Variants in SEC14L1 observed in about 807,000 individuals in gnomAD.
SEC14L1 encodes the protein SEC14 like lipid binding 1, also known as SEC14-like protein 1.
In SEC14L1, 48 loss-of-function variants were observed where a neutral mutation model predicts 85.3. The ratio of observed to expected loss-of-function variants is 0.56; its 90% CI spans 0.45 to 0.72. SEC14L1 has a LOEUF of 0.72. SEC14L1 is among the 30% of genes least tolerant of loss of function. The probability of loss-of-function intolerance (pLI) is 0.00; values close to 1 mark genes in which losing one functional copy is unlikely to be tolerated. For missense variants in SEC14L1, 682 were observed against 921.4 expected (o/e 0.74, Z 3.36); for synonymous variants, 391 against 355.5 (o/e 1.10, Z -1.12).
At chr17:77,200,366 A>G (rs2143106596) in intron 8 of SEC14L1, 118 bp from the exon 9 acceptor site, 8 of 712,056 alleles carry the variant, frequency 1.1e-5, no homozygotes, top group Non-Finnish European at 1.4e-5. Flanking sequence ...ATGGCATTTC[A>G]CCATATTGGC....
chr17:77,162,818 G>A (rs1193218184), intron 3 of SEC14L1, among the ~76,000 whole-genome samples: 1 of 115,304 alleles, frequency 8.7e-6, no homozygotes, highest in Non-Finnish European at 1.8e-5. Context: ...CAACAAGAGC[G>A]AAACTCTGTC....
intron 3 of SEC14L1, among the ~76,000 whole-genome samples, chr17:77,162,163 G>A (rs1430660111): frequency 2.6e-5 from 4 of 151,814 alleles, no homozygotes; most frequent in African/African-American, 7.3e-5. Context: ...GGCGCTCGGC[G>A]GGGGAGGGAC....
intron 3 of SEC14L1, among the ~76,000 whole-genome samples, chr17:77,118,794 A>T (rs150972106): frequency 3.3e-5 from 5 of 152,302 alleles, no homozygotes; most frequent in African/African-American, 1.2e-4. Flanking sequence ...TCTTTACAGC[A>T]TTCCTCTCTG....
In SEC14L1 at chr17:77,154,395, C is replaced by G. The variant is rs900099217; in HGVS notation, c.63+10736C>G. On this transcript the variant is annotated intron_variant, in intron 3 of 16. Transcript: ENST00000436233. ...AGACTTGAGACAGGATTGTTTGAGC[C>G]TAGGAGTTTGAGGCTGCAGTGCCAC... Among the ~76,000 whole-genome samples, 7 of 152,270 alleles carry G rather than the reference C, an allele frequency of 4.6e-5. No individual in the cohort carries two copies. The East Asian group carries it at 1.3e-3, about 29-fold the overall frequency.
Position 77,214,922 on chromosome 17 carries a change from A to G in SEC14L1, c.*899A>G. On this transcript the variant is annotated 3_prime_UTR_variant, in exon 17 of 17. Coordinates refer to ENST00000436233, the MANE Select transcript of SEC14L1 (RefSeq NM_001143998.2). Reference sequence around the variant, plus strand: ...TCCAGCCACTAGGAGGCCGTCTTGGAACCAGCAAGTCGCATTTGCCACTTG... The same window carrying G: ...TCCAGCCACTAGGAGGCCGTCTTGGGACCAGCAAGTCGCATTTGCCACTTG... 1.0e-6 allele frequency: 1 copy of G among 985,390 alleles called. No individual in the cohort carries two copies. The highest frequency in any genetic ancestry group is 1.2e-6 in the Non-Finnish European group (1 of 829,964). The allele number at this position is 985,390 out of a possible 1,614,324, so 61.0% of individuals were successfully genotyped here. A position where few individuals can be genotyped will look rare whatever the true frequency, so the allele number is the denominator to read the frequency against.
At chr17:77,108,172 C>T (rs1971961240) in intron 3 of SEC14L1, among the ~76,000 whole-genome samples, 1 of 152,128 alleles carries the variant, frequency 6.6e-6, no homozygotes, top group African/African-American at 2.4e-5. Context: ...GGCGAGTGTG[C>T]AGTGCTGCCA....
intron 3 of SEC14L1, among the ~76,000 whole-genome samples, chr17:77,181,454 G>A (rs1390799488): frequency 6.6e-6 from 1 of 152,096 alleles, no homozygotes; most frequent in East Asian, 1.9e-4. Flanking sequence ...CTCTTGTTGT[G>A]CAGGCTGGAG....
chr17:77,211,888 G>A (rs374801584), intron 14 of SEC14L1, 62 bp from the exon 15 acceptor site: 35 of 1,589,386 alleles, frequency 2.2e-5, no homozygotes, highest in South Asian at 3.4e-5. Context: ...AGCACGATGC[G>A]CTCGCAGCAT....
intron 7 of SEC14L1, 52 bp from the exon 8 acceptor site, chr17:77,196,150 A>G (rs1029347983): frequency 7.8e-6 from 11 of 1,409,488 alleles, no homozygotes; most frequent in Non-Finnish European, 1.1e-5. Context: ...AGACTTTGGG[A>G]GCCTAAAGCT....
Position 77,214,635 on chromosome 17 carries a change from G to A in SEC14L1, c.*612G>A, listed in dbSNP as rs1015272549. 2.0e-6 allele frequency: 2 copies of A among 985,822 alleles called. No individual in the cohort carries two copies. The highest frequency in any genetic ancestry group is 9.4e-5 in the South Asian group (2 of 21,310). The allele number at this position is 985,822 out of a possible 1,614,324, so 61.1% of individuals were successfully genotyped here. A position where few individuals can be genotyped will look rare whatever the true frequency, so the allele number is the denominator to read the frequency against. ...CCACCCACTGTCCTGCAGTGGGGCC[G>A]GGGGCTCAGGAGGGGCTCTCAGGGA... On this transcript the variant is annotated 3_prime_UTR_variant, in exon 17 of 17. Coordinates refer to ENST00000436233, the MANE Select transcript of SEC14L1 (RefSeq NM_001143998.2).
intron 3 of SEC14L1, among the ~76,000 whole-genome samples, chr17:77,165,554 G>T (rs899830664): frequency 1.3e-5 from 2 of 152,132 alleles, no homozygotes; most frequent in African/African-American, 4.8e-5. Context: ...TTGCCTCCCA[G>T]TTTGACTTTT....
At chr17:77,107,950 C>T (rs1001985922) in intron 3 of SEC14L1, among the ~76,000 whole-genome samples, 2 of 152,060 alleles carry the variant, frequency 1.3e-5, no homozygotes, top group Non-Finnish European at 2.9e-5. Flanking sequence ...CACTATGTTG[C>T]CCAGGCTGGT....
rs1304396683 is a variant in SEC14L1, at chr17:77,215,680, A to G, written c.*1657A>G. The G allele has an allele frequency of 1.9e-5, 19 of 993,554 alleles. No homozygotes were observed. The highest frequency in any genetic ancestry group is 1.0e-4 in the East Asian group (1 of 9,632). The allele number at this position is 993,554 out of a possible 1,614,324, so 61.5% of individuals were successfully genotyped here. A position where few individuals can be genotyped will look rare whatever the true frequency, so the allele number is the denominator to read the frequency against. Reference sequence around the variant, plus strand: ...TTTGCTCTTAGAGATCGAGCTCCTCAGTGGTACCTGAAGCCTTTGCTTCCG... The same window carrying G: ...TTTGCTCTTAGAGATCGAGCTCCTCGGTGGTACCTGAAGCCTTTGCTTCCG... On this transcript the variant is annotated 3_prime_UTR_variant, in exon 17 of 17. Coordinates refer to ENST00000436233, the MANE Select transcript of SEC14L1 (RefSeq NM_001143998.2).
Position 77,206,221 on chromosome 17 carries a change from A to G in SEC14L1, c.1170-8A>G. 1.2e-6 allele frequency: 2 copies of G among 1,613,182 alleles called. No individual in the cohort carries two copies. The highest frequency in any genetic ancestry group is 1.7e-6 in the Non-Finnish European group (2 of 1,179,248). On this transcript the variant is annotated splice_polypyrimidine_tract_variant and splice_region_variant and intron_variant, in intron 11 of 16. Transcript: ENST00000436233. The surrounding 1 kb of genome is among the most constrained non-coding windows in gnomAD (Gnocchi z 4.3). ...GTTGAATGAAACACATCTCTGCACA[A>G]CCTGCAGCTCATGGACCTGCCTGGT...
upstream of SEC14L1, among the ~76,000 whole-genome samples, chr17:77,137,688 C>T (rs1033136316): frequency 6.6e-6 from 1 of 152,250 alleles, no homozygotes; most frequent in African/African-American, 2.4e-5. Context: ...ACATGACTTA[C>T]TATTTGATCC....
At chr17:77,192,818 G>T (rs1975610895) in intron 5 of SEC14L1, among the ~76,000 whole-genome samples, 1 of 152,048 alleles carries the variant, frequency 6.6e-6, no homozygotes, top group African/African-American at 2.4e-5. Flanking sequence ...ATGCCACCGT[G>T]CCTGGCTAGT....
At chr17:77,153,485 A>G (rs1045198672) in intron 3 of SEC14L1, among the ~76,000 whole-genome samples, 1 of 152,092 alleles carries the variant, frequency 6.6e-6, no homozygotes, top group East Asian at 1.9e-4. Flanking sequence ...GATGCAAAAT[A>G]TTTTTTTCCC....
intron 3 of SEC14L1, among the ~76,000 whole-genome samples, chr17:77,162,206 GC>G (rs1338801211): frequency 2.6e-5 from 4 of 152,178 alleles, no homozygotes; most frequent in Non-Finnish European, 5.9e-5. Context: ...GCCAACCGAG[GC>G]CCCACGGGCA....
chr17:77,096,056 T>A (rs934725801), intron 3 of SEC14L1, among the ~76,000 whole-genome samples: 8 of 111,224 alleles, frequency 7.2e-5, no homozygotes, highest in African/African-American at 2.4e-4. Context: ...GCAGTCAGTC[T>A]TTTTTTTTTT....
Sources: gnomAD v4.1 joint callset for allele counts (sites outside exome capture counted in the v4.1 genomes callset) on GRCh38, gnomAD v4.1.1 for gene constraint, Gnocchi (gnomAD v3.1) non-coding constraint, MANE v1.5 for transcripts, NCBI Gene and HGNC (gene_info 2026-07-23, HGNC 2026-07-21) for gene names.